NDUFAF2: variants seen among roughly 807,000 people sequenced by gnomAD.
NDUFAF2 encodes the protein NADH:ubiquinone oxidoreductase complex assembly factor 2.
Under a neutral mutation model 22.8 loss-of-function variants are expected in NDUFAF2, and 13 were observed. That is an observed-to-expected ratio of 0.57 (90% CI 0.37 to 0.91). The LOEUF is 0.91. NDUFAF2 is among the 40% of genes least tolerant of loss of function. The probability of loss-of-function intolerance (pLI) is 0.01; values close to 1 mark genes in which losing one functional copy is unlikely to be tolerated. For missense variants in NDUFAF2, 162 were observed against 195.2 expected (o/e 0.83, Z 1.01); for synonymous variants, 53 against 64.2 (o/e 0.83, Z 0.84).
intron 1 of NDUFAF2, among the ~76,000 whole-genome samples, chr5:60,977,836 CAAAAA>C (rs373286895): frequency 1.7e-5 from 2 of 116,538 alleles, no homozygotes; most frequent in Admixed American, 9.0e-5. Flanking sequence ...GACTCTGTCT[CAAAAA>C]AAAAAAAAAA....
At chr5:61,015,725 G>T (rs527887154) in intron 1 of NDUFAF2, among the ~76,000 whole-genome samples, 33 of 152,108 alleles carry the variant, frequency 2.2e-4, no homozygotes, top group Non-Finnish European at 3.8e-4. Flanking sequence ...AATCAGTACT[G>T]TAAATTTCCA....
chr5:61,032,939 C>T (rs1464583513), intron 1 of NDUFAF2, among the ~76,000 whole-genome samples: 4 of 152,116 alleles, frequency 2.6e-5, no homozygotes, highest in Non-Finnish European at 5.9e-5. Flanking sequence ...AGTGTAAAAG[C>T]ATTCCTCTTT....
At chr5:61,067,377 T>A (rs1561555653) in intron 1 of NDUFAF2, among the ~76,000 whole-genome samples, 1 of 150,938 alleles carries the variant, frequency 6.6e-6, no homozygotes, top group Non-Finnish European at 1.5e-5. Context: ...TTTTCATTGT[T>A]CAATTCCCAC....
At chr5:61,094,177 C>T (rs1752606358) in intron 2 of NDUFAF2, among the ~76,000 whole-genome samples, 1 of 152,128 alleles carries the variant, frequency 6.6e-6, no homozygotes, top group Non-Finnish European at 1.5e-5. Flanking sequence ...AGGTTTTGTT[C>T]ATTCTTTTTC....
chr5:61,054,585 C>T (rs748922927), intron 1 of NDUFAF2, among the ~76,000 whole-genome samples: 6 of 152,170 alleles, frequency 3.9e-5, no homozygotes, highest in Admixed American at 1.3e-4. Flanking sequence ...AACTGAGATA[C>T]AGGGCAAAAT....
intron 1 of NDUFAF2, among the ~76,000 whole-genome samples, chr5:61,001,224 G>A (rs182288995): frequency 1.1e-4 from 16 of 152,126 alleles, no homozygotes; most frequent in Non-Finnish European, 1.8e-4. Flanking sequence ...GCTTTTCTCT[G>A]ACTAATAAGT....
At chr5:61,147,433 CT>C (rs1561139813) in intron 3 of NDUFAF2, among the ~76,000 whole-genome samples, 9 of 47,510 alleles carry the variant, frequency 1.9e-4, no homozygotes, top group Admixed American at 2.6e-4. Flanking sequence ...ATTTTTTTTT[CT>C]TTCTTTTTTT....
chr5:60,946,335 T>C (rs536966990), intron 1 of NDUFAF2, among the ~76,000 whole-genome samples: 18 of 152,312 alleles, frequency 1.2e-4, no homozygotes, highest in Admixed American at 7.8e-4. Flanking sequence ...AGATCAGCAA[T>C]GTTGAGAAGC....
chr5:61,017,074 A>T (rs1751521292), intron 1 of NDUFAF2, among the ~76,000 whole-genome samples: 1 of 152,206 alleles, frequency 6.6e-6, no homozygotes, highest in Non-Finnish European at 1.5e-5. Context: ...CTCAAATCAA[A>T]AGCATATTCC....
At chr5:61,143,487 C>T (rs1741087107) in intron 3 of NDUFAF2, among the ~76,000 whole-genome samples, 1 of 152,032 alleles carries the variant, frequency 6.6e-6, no homozygotes, top group African/African-American at 2.4e-5. Context: ...ACTTTTACAT[C>T]TTTATCTTAT....
intron 1 of NDUFAF2, among the ~76,000 whole-genome samples, chr5:60,983,297 T>G (rs1751014483): frequency 2.8e-5 from 1 of 35,960 alleles, no homozygotes; most frequent in Admixed American, 3.2e-4. Context: ...ATTGTGGATA[T>G]TAGCCCTTTG....
chr5:61,041,349 G>A (rs1751880027), intron 1 of NDUFAF2, among the ~76,000 whole-genome samples: 1 of 152,048 alleles, frequency 6.6e-6, no homozygotes, highest in African/African-American at 2.4e-5. Flanking sequence ...TTTGATCGAA[G>A]AGTTGAAATA....
At chr5:61,037,306 G>A (rs1438466368) in intron 1 of NDUFAF2, among the ~76,000 whole-genome samples, 1 of 152,112 alleles carries the variant, frequency 6.6e-6, no homozygotes, top group Non-Finnish European at 1.5e-5. Flanking sequence ...GGTTATAAAG[G>A]GTTGACAGTT....
intron 1 of NDUFAF2, among the ~76,000 whole-genome samples, chr5:61,048,320 A>C (rs1751978699): frequency 6.6e-6 from 1 of 152,186 alleles, no homozygotes; most frequent in Non-Finnish European, 1.5e-5. Context: ...CTCGCTAACT[A>C]ACTCAGTTGG....
At chr5:61,019,549 G>T (rs1751552209) in intron 1 of NDUFAF2, among the ~76,000 whole-genome samples, 4 of 151,788 alleles carry the variant, frequency 2.6e-5, no homozygotes, top group Admixed American at 6.6e-5. Context: ...AACAAATTAA[G>T]AAAAATTTTA....
chr5:61,091,537 A>G (rs566876973), intron 2 of NDUFAF2, among the ~76,000 whole-genome samples: 2 of 152,052 alleles, frequency 1.3e-5, no homozygotes, highest in African/African-American at 2.4e-5. Context: ...TTTCTTGTAA[A>G]TTTGTTTAAG....
intron 3 of NDUFAF2, among the ~76,000 whole-genome samples, chr5:61,151,167 A>T (rs558772386): frequency 2.0e-5 from 3 of 152,346 alleles, no homozygotes; most frequent in African/African-American, 7.2e-5. Context: ...CTATTATTTT[A>T]AATGTTACTT....
chr5:61,134,482 G>A (rs984624383), intron 3 of NDUFAF2, among the ~76,000 whole-genome samples: 3 of 152,132 alleles, frequency 2.0e-5, no homozygotes, highest in Non-Finnish European at 4.4e-5. Context: ...TCAGGAGATC[G>A]AGACCATCCT....
chr5:61,147,437 C>CTTTCTTTTTTTTT (rs1741156553), intron 3 of NDUFAF2, among the ~76,000 whole-genome samples: 5 of 84,730 alleles, frequency 5.9e-5, no homozygotes, highest in Admixed American at 1.7e-4. Flanking sequence ...TTTTTTCTTT[C>CTTTCTTTTTTTTT]TTTTTTTTTT....
Sources: gnomAD v4.1 joint callset for allele counts (sites outside exome capture counted in the v4.1 genomes callset) on GRCh38, gnomAD v4.1.1 for gene constraint, MANE v1.5 for transcripts, NCBI Gene and HGNC (gene_info 2026-07-23, HGNC 2026-07-21) for gene names.